The following CCNJL variants were observed in gnomAD, a reference collection of about 807,000 sequenced individuals.
The protein encoded by CCNJL is cyclin J like.
Under a neutral mutation model 33.4 loss-of-function variants are expected in CCNJL, and 33 were observed. The observed-to-expected ratio is 0.99, with a 90% CI of 0.75 to 1.32. CCNJL has a LOEUF of 1.32. Ranked by LOEUF, CCNJL falls within the 40% of genes most tolerant of loss-of-function variation. CCNJL has a pLI of 0.00. For synonymous variants in CCNJL, 227 were observed against 220.9 expected, an observed-to-expected ratio of 1.03 and a Z score of -0.24; for missense variants, 512 against 499.7, an observed-to-expected ratio of 1.02 and a Z score of -0.23.
chr5:160,290,329 G>C (rs144282228), intron 2 of CCNJL, among the ~76,000 whole-genome samples: 1 of 151,238 alleles, frequency 6.6e-6, no homozygotes, highest in Middle Eastern at 3.4e-3. Context: ...ACAGTGGCAC[G>C]ATCTCAGCTT....
upstream of CCNJL, chr5:160,312,999 TG>T (rs1451151594): frequency 6.6e-6 from 1 of 151,768 alleles, no homozygotes; most frequent in African/African-American, 2.4e-5. Flanking sequence ...CGCCCTGCCA[TG>T]GGGAGGTAGA....
chr5:160,337,828 C>T (rs72814340), intron 1 of CCNJL, among the ~76,000 whole-genome samples: 8,430 of 152,178 alleles, frequency 0.055, 304 homozygotes, highest in East Asian at 0.15. Flanking sequence ...AAGATAGATC[C>T]TGAGTGGCTA....
intron 3 of CCNJL, chr5:160,269,550 C>G (rs1326860390): frequency 4.4e-6 from 2 of 453,038 alleles, no homozygotes; most frequent in Admixed American, 4.8e-5. Context: ...CCGACCTATG[C>G]GGGGAACAGG....
chr5:160,295,445 G>A (rs1561798826), intron 2 of CCNJL, among the ~76,000 whole-genome samples: 1 of 152,138 alleles, frequency 6.6e-6, no homozygotes. Context: ...CCGAGATCGC[G>A]CCACTGCACT....
intron 1 of CCNJL, among the ~76,000 whole-genome samples, chr5:160,321,546 A>T (rs1763465214): frequency 6.6e-6 from 1 of 152,190 alleles, no homozygotes; most frequent in South Asian, 2.1e-4. Context: ...AGCTGAGGGG[A>T]CTCAGGCTTG....
intron 3 of CCNJL, among the ~76,000 whole-genome samples, chr5:160,270,113 C>A (rs1761771475): frequency 6.6e-6 from 1 of 151,900 alleles, no homozygotes; most frequent in Non-Finnish European, 1.5e-5. Flanking sequence ...AAGTTAGAGA[C>A]CAGCCTGGGC....
intron 2 of CCNJL, 55 bp from the exon 3 acceptor site, chr5:160,280,793 C>A (rs781320174): frequency 8.1e-7 from 1 of 1,230,738 alleles, no homozygotes; most frequent in Non-Finnish European, 1.2e-6. Flanking sequence ...CTGAGAGTCT[C>A]GGCTGTCCCA....
rs1761858710 is a variant in CCNJL at position 160,272,142 on chromosome 5, C to G, written c.280+8383G>C. Among the ~76,000 whole-genome samples, 5 of 152,234 alleles carry G rather than the reference C, an allele frequency of 3.3e-5. No homozygotes were observed. In the South Asian group the frequency reaches 1.0e-3, roughly 32 times the overall value. ...CAGGCTAGGAAGCAGCATATTCATTCATCCTTGTCGACCAGAAAGGATTAA... is the reference window on the plus strand; with the variant it reads ...CAGGCTAGGAAGCAGCATATTCATTGATCCTTGTCGACCAGAAAGGATTAA... On this transcript the variant is annotated intron_variant, in intron 3 of 5. Transcript: ENST00000257536.
rs1041787469 is a variant in CCNJL, at chr5:160,250,491, G to C, written c.*2887C>G. On this transcript the variant is annotated 3_prime_UTR_variant, in exon 6 of 6. Coordinates refer to ENST00000257536, the MANE Select transcript of CCNJL (RefSeq NM_001308173.3). The stretch of plus-strand genomic sequence containing the variant: ...TTCCTCCCCTAATTGTCTAATCAAA[G>C]GCATCTGCACTTAGCAAATGTCTCA... The C allele has an allele frequency of 5.9e-5, 9 of 152,232 alleles. No individual in the cohort carries two copies. The highest frequency in any genetic ancestry group is 4.6e-4 in the Admixed American group (7 of 15,266). 9.4% of individuals were successfully genotyped at this position (152,232 alleles called of 1,614,324 possible). A position where few individuals can be genotyped will look rare whatever the true frequency, so the allele number is the denominator to read the frequency against.
intron 2 of CCNJL, among the ~76,000 whole-genome samples, chr5:160,282,983 A>ATATATATATG (rs1762276151): frequency 1.8e-5 from 1 of 54,330 alleles, no homozygotes; most frequent in Non-Finnish European, 3.3e-5. Flanking sequence ...ATATATATAT[A>ATATATATATG]TATATATATA....
At chr5:160,320,849 C>CTTT (rs1561812547) in intron 1 of CCNJL, among the ~76,000 whole-genome samples, 1,319 of 63,048 alleles carry the variant, frequency 0.021, 9 homozygotes, top group Middle Eastern at 0.056. Flanking sequence ...TTCTTTCTTT[C>CTTT]CTTCTTTCTT....
At chr5:160,268,753 G>A (rs2113292447) in intron 3 of CCNJL, among the ~76,000 whole-genome samples, 1 of 152,312 alleles carries the variant, frequency 6.6e-6, no homozygotes. Flanking sequence ...CCTGTAGTTA[G>A]GAAACATCCT....
chr5:160,255,274 T>C (rs1439678131), intron 5 of CCNJL: 6 of 213,648 alleles, frequency 2.8e-5, no homozygotes, highest in African/African-American at 6.9e-5. Context: ...GATCGTGCCA[T>C]TGCACTCCAG....
chr5:160,292,700 T>A (rs1762625843), intron 2 of CCNJL, among the ~76,000 whole-genome samples: 1 of 142,678 alleles, frequency 7.0e-6, no homozygotes, highest in Non-Finnish European at 1.5e-5. Context: ...TATATATATA[T>A]AACTTGAAAG....
intron 3 of CCNJL, among the ~76,000 whole-genome samples, chr5:160,278,720 T>C (rs966710024): frequency 1.5e-4 from 23 of 152,072 alleles, no homozygotes; most frequent in Non-Finnish European, 2.8e-4. Context: ...AGAGCTTCCA[T>C]GGCCCCATGG....
At chr5:160,307,358 G>A (rs912989936) in intron 2 of CCNJL, among the ~76,000 whole-genome samples, 2 of 152,094 alleles carry the variant, frequency 1.3e-5, no homozygotes, top group African/African-American at 4.8e-5. Context: ...ATGAGGGTGG[G>A]GCCAGGACAC....
At position 160,250,622 on chromosome 5, in the gene CCNJL, G is replaced by A. The variant is rs957843422; in HGVS notation, c.*2756C>T. The A allele has an allele frequency of 2.6e-5, 4 of 152,192 alleles. No individual in the cohort carries two copies. 9.4% of individuals were successfully genotyped at this position (152,192 alleles called of 1,614,324 possible). A position where few individuals can be genotyped will look rare whatever the true frequency, so the allele number is the denominator to read the frequency against. On this transcript the variant is annotated 3_prime_UTR_variant, in exon 6 of 6. Coordinates refer to ENST00000257536, the MANE Select transcript of CCNJL (RefSeq NM_001308173.3). ...TGAGACTCCCTTCAAGGAGGAGTACGAATCTGACATTTTTCATAACAGCTG... is the reference window on the plus strand; with the variant it reads ...TGAGACTCCCTTCAAGGAGGAGTACAAATCTGACATTTTTCATAACAGCTG...
chr5:160,302,992 A>C (rs770061989), intron 2 of CCNJL, among the ~76,000 whole-genome samples: 1 of 152,048 alleles, frequency 6.6e-6, no homozygotes, highest in Non-Finnish European at 1.5e-5. Flanking sequence ...AAATTTGGGG[A>C]CAACGGTGGC....
chr5:160,276,787 T>C (rs113470517), intron 3 of CCNJL, among the ~76,000 whole-genome samples: 8 of 140,526 alleles, frequency 5.7e-5, no homozygotes, highest in African/African-American at 1.2e-4. Context: ...TTATCTCTCT[T>C]TTTTTTTCTT....
Sources: allele counts gnomAD v4.1 joint callset (sites outside exome capture counted in the v4.1 genomes callset), GRCh38; gene constraint gnomAD v4.1.1; transcripts MANE v1.5; gene names NCBI Gene and HGNC (gene_info 2026-07-23, HGNC 2026-07-21).